Variants in MARK3 observed in about 807,000 individuals in gnomAD.
MARK3 encodes microtubule affinity regulating kinase 3, also known as MAP/microtubule affinity-regulating kinase 3.
Under a neutral mutation model 90.1 loss-of-function variants are expected in MARK3, and 46 were observed. That is an observed-to-expected ratio of 0.51 (90% CI 0.40 to 0.65). The LOEUF is 0.65. Ranked by LOEUF, MARK3 falls within the 30% of genes least tolerant of loss-of-function variation. The pLI is 0.00. For missense variants in MARK3, 818 were observed against 947.2 expected (o/e 0.86, Z 1.79); for synonymous variants, 321 against 332.6 (o/e 0.97, Z 0.38).
rs148380123 is a variant in MARK3, at chr14:103,392,307, G to A, written c.51+6227G>A. Reference sequence around the variant, plus strand: ...CTTTAGGATTTCCTGCTCCTTGCAGGACAAAGCAGCCTGAGCTTTATGAAA... The same window carrying A: ...CTTTAGGATTTCCTGCTCCTTGCAGAACAAAGCAGCCTGAGCTTTATGAAA... On this transcript the variant is annotated intron_variant, in intron 1 of 17. Transcript: ENST00000429436. Among the ~76,000 whole-genome samples the A allele has an allele frequency of 3.4e-3, 511 of 152,250 alleles. 2 individuals are homozygous for A. The highest frequency in any genetic ancestry group is 0.012 in the African/African-American group (489 of 41,542).
At chr14:103,388,425 A>G (rs749991428) in intron 1 of MARK3, among the ~76,000 whole-genome samples, 2 of 152,220 alleles carry the variant, frequency 1.3e-5, no homozygotes, top group African/African-American at 2.4e-5. Context: ...TTAATTACCT[A>G]CATTACTGCA....
chr14:103,461,788 G>C (rs904700718), intron 6 of MARK3, among the ~76,000 whole-genome samples: 2 of 152,132 alleles, frequency 1.3e-5, no homozygotes, highest in Non-Finnish European at 2.9e-5. Context: ...TGTAATCCTA[G>C]CACTTTGGGA....
intron 1 of MARK3, among the ~76,000 whole-genome samples, chr14:103,401,228 T>G (rs1349055296): frequency 6.6e-6 from 1 of 152,118 alleles, no homozygotes; most frequent in Non-Finnish European, 1.5e-5. Flanking sequence ...AAAAGTTAAT[T>G]CTTAAATTTT....
At chr14:103,458,684 AT>A in intron 6 of MARK3, 1 of 659,796 alleles carries the variant, frequency 1.5e-6, no homozygotes, top group Non-Finnish European at 2.7e-6. Context: ...TTATAGCCTC[AT>A]TTTTTCTTAG....
At chr14:103,421,020 C>T (rs1222913694) in intron 2 of MARK3, among the ~76,000 whole-genome samples, 2 of 152,150 alleles carry the variant, frequency 1.3e-5, no homozygotes, top group Non-Finnish European at 2.9e-5. Flanking sequence ...TTACCTAACA[C>T]CTGCATTTTC....
chr14:103,475,378 T>C (rs962300310), intron 13 of MARK3, among the ~76,000 whole-genome samples, 168 bp downstream of exon 13: 2 of 152,214 alleles, frequency 1.3e-5, no homozygotes, highest in Non-Finnish European at 2.9e-5. Flanking sequence ...ATTGTAGGTA[T>C]TTATTGTTGA....
At chr14:103,450,578 A>T (rs2093111797) in intron 4 of MARK3, among the ~76,000 whole-genome samples, 1 of 152,178 alleles carries the variant, frequency 6.6e-6, no homozygotes, top group African/African-American at 2.4e-5. Context: ...CATGCAGCTT[A>T]CCAACACATG....
At chr14:103,491,167 G>A in intron 14 of MARK3, 1 of 1,170,768 alleles carries the variant, frequency 8.5e-7, no homozygotes, top group Non-Finnish European at 1.1e-6. Context: ...TTAATTTTGT[G>A]CTGTGGATTT....
At chr14:103,464,394 G>T (rs1162715489) in intron 7 of MARK3, among the ~76,000 whole-genome samples, 2 of 140,910 alleles carry the variant, frequency 1.4e-5, no homozygotes, top group Non-Finnish European at 3.0e-5. Flanking sequence ...CACCTCGCAG[G>T]TTCAAGCGAT....
Position 103,400,056 on chromosome 14 carries a change from G to A in MARK3, c.52-5020G>A, listed in dbSNP as rs2090859112. Among the ~76,000 whole-genome samples the A allele has an allele frequency of 2.0e-5, 3 of 151,890 alleles. 1 individual carries two copies. In the South Asian group the frequency reaches 6.2e-4, roughly 32 times the overall value. Reference sequence around the variant, plus strand: ...CGATTCTCATGCCTCAGTCTTCTGAGTAGCTGGGATTACAGGCATGTGCCA... The same window carrying A: ...CGATTCTCATGCCTCAGTCTTCTGAATAGCTGGGATTACAGGCATGTGCCA... On this transcript the variant is annotated intron_variant, in intron 1 of 17. Transcript: ENST00000429436.
At chr14:103,435,710 T>C (rs555372810) in intron 3 of MARK3, among the ~76,000 whole-genome samples, 1 of 149,384 alleles carries the variant, frequency 6.7e-6, no homozygotes, top group South Asian at 2.1e-4. Context: ...GCCCGGCCTA[T>C]TTATTTTTTA....
At chr14:103,479,666 CTTG>C (rs2093783539) in intron 13 of MARK3, among the ~76,000 whole-genome samples, 2 of 75,214 alleles carry the variant, frequency 2.7e-5, no homozygotes, top group African/African-American at 1.0e-4. Flanking sequence ...GAGTTTTGCT[CTTG>C]TTACACAGGC....
chr14:103,406,083 CAG>C, intron 2 of MARK3, among the ~76,000 whole-genome samples: 1 of 151,908 alleles, frequency 6.6e-6, no homozygotes, highest in African/African-American at 2.4e-5. Context: ...TTTGTAGAGA[CAG>C]GGTTCTCACC....
intron 1 of MARK3, among the ~76,000 whole-genome samples, chr14:103,392,639 T>C (rs2090330615): frequency 6.6e-6 from 1 of 152,190 alleles, no homozygotes; most frequent in South Asian, 2.1e-4. Flanking sequence ...CCAGACCATT[T>C]AATTGAGTTT....
chr14:103,468,868 A>G (rs34721082), intron 12 of MARK3, among the ~76,000 whole-genome samples: 2,595 of 148,564 alleles, frequency 0.017, 52 homozygotes, highest in African/African-American at 0.05. Context: ...AGTTCAAACT[A>G]TTCTCTCACC....
chr14:103,398,452 G>T (rs2140540715), intron 1 of MARK3, among the ~76,000 whole-genome samples: 1 of 152,290 alleles, frequency 6.6e-6, no homozygotes, highest in Non-Finnish European at 1.5e-5. Context: ...GGCTTTGGGT[G>T]CATTCTTGTT....
intron 1 of MARK3, among the ~76,000 whole-genome samples, chr14:103,390,514 C>T (rs1340884497): frequency 6.6e-6 from 1 of 152,002 alleles, no homozygotes; most frequent in South Asian, 2.1e-4. Flanking sequence ...TTGGCTTCCC[C>T]GGGCCACATT....
At chr14:103,424,665 G>A (rs1440316610) in intron 2 of MARK3, among the ~76,000 whole-genome samples, 3 of 152,154 alleles carry the variant, frequency 2.0e-5, no homozygotes, top group Non-Finnish European at 4.4e-5. Context: ...AACTGGAAAG[G>A]CAGCATCTTT....
intron 1 of MARK3, among the ~76,000 whole-genome samples, chr14:103,387,617 C>G (rs917397643): frequency 3.3e-5 from 5 of 151,486 alleles, no homozygotes; most frequent in Non-Finnish European, 5.9e-5. Flanking sequence ...CTCAGCCTCC[C>G]GAGTAGCTGG....
Sources: allele counts gnomAD v4.1 joint callset (sites outside exome capture counted in the v4.1 genomes callset), GRCh38; gene constraint gnomAD v4.1.1; transcripts MANE v1.5; gene names NCBI Gene and HGNC (gene_info 2026-07-23, HGNC 2026-07-21).